CBL: variants seen among roughly 807,000 people sequenced by gnomAD.
CBL encodes the protein Cbl proto-oncogene.
Under a neutral mutation model 96.9 loss-of-function variants are expected in CBL, and 45 were observed. The ratio of observed to expected loss-of-function variants is 0.46; its 90% confidence interval spans 0.37 to 0.60. The LOEUF (loss-of-function observed/expected upper bound fraction) is 0.60, where lower values mean the gene tolerates loss of function less well. Ranked by LOEUF, CBL falls within the 20% of genes least tolerant of loss-of-function variation. The pLI, the probability that CBL is intolerant of heterozygous loss-of-function variation, is 0.00. For synonymous variants in CBL, 420 were observed against 426.8 expected (o/e 0.98, Z 0.20); for missense variants, 1,024 against 1,143.5 (o/e 0.90, Z 1.51).
intron 1 of CBL, among the ~76,000 whole-genome samples, chr11:119,212,274 GAAAAATACA>G (rs1262247783): frequency 6.6e-6 from 1 of 152,014 alleles, no homozygotes; most frequent in Non-Finnish European, 1.5e-5. Flanking sequence ...TAGTTTATTA[GAAAAATACA>G]TTTAAAATCA....
At chr11:119,209,630 A>T (rs1565852632) in intron 1 of CBL, among the ~76,000 whole-genome samples, 1 of 152,060 alleles carries the variant, frequency 6.6e-6, no homozygotes, top group Non-Finnish European at 1.5e-5. Flanking sequence ...AAAAAAAAAA[A>T]GTCTGTTTAA....
intron 2 of CBL, among the ~76,000 whole-genome samples, chr11:119,260,153 G>T (rs899976061): frequency 6.6e-6 from 1 of 151,366 alleles, no homozygotes; most frequent in Admixed American, 6.6e-5. Context: ...TTCATGTCCC[G>T]TTACTGAGTT....
At position 119,271,789 on chromosome 11, in the gene CBL, A is replaced by C. The variant is rs1565870421; in HGVS notation, c.498A>C (p.Lys166Asn). ...TCAGCCACATGCTGGCAGAACTAAA[A>C]GGAATCTTTCCAAGTGGACTCTTTC... ...LIFSHMLAEL[K>N]GIFPSGLFQG... is the part of the protein sequence containing the mutation. The change falls in exon 3 of 16, where the codon AAA becomes AAC. Residue 166 changes from lysine to asparagine, a missense_variant. Physicochemically the swap from Lys to Asn is moderately conservative, Grantham distance 94. Around this residue, in one of 4 missense-constraint regions of CBL, gnomAD observed 192 missense variants for 321.8 expected, o/e 0.60. Transcript: ENST00000264033. 4 of 1,614,026 alleles carry C rather than the reference A, an allele frequency of 2.5e-6. No individual in the cohort carries two copies. The highest frequency in any genetic ancestry group is 3.4e-6 in the Non-Finnish European group (4 of 1,179,904).
At chr11:119,254,114 C>T (rs753287336) in intron 2 of CBL, among the ~76,000 whole-genome samples, 1 of 149,710 alleles carries the variant, frequency 6.7e-6, no homozygotes, top group Non-Finnish European at 1.5e-5. Flanking sequence ...TTTTGGAGAT[C>T]GAGGCAAGAG....
intron 1 of CBL, among the ~76,000 whole-genome samples, chr11:119,218,451 G>T (rs748492457): frequency 8.5e-5 from 13 of 152,292 alleles, no homozygotes; most frequent in Admixed American, 3.3e-4. Context: ...CATATCCATA[G>T]TTTCGCTTCC....
chr11:119,290,842 T>A (rs1950021835), intron 12 of CBL, among the ~76,000 whole-genome samples: 1 of 151,386 alleles, frequency 6.6e-6, no homozygotes, highest in Non-Finnish European at 1.5e-5. Context: ...GCTAATTTTT[T>A]ATTTTTTTAT....
chr11:119,290,361 A>G (rs1382330476), intron 12 of CBL, among the ~76,000 whole-genome samples: 5 of 151,290 alleles, frequency 3.3e-5, no homozygotes, highest in South Asian at 2.1e-4. Context: ...TTAATTTTTT[A>G]AAAAGATACT....
intron 2 of CBL, among the ~76,000 whole-genome samples, chr11:119,246,944 A>G (rs141829908): frequency 6.6e-6 from 1 of 152,350 alleles, no homozygotes; most frequent in African/African-American, 2.4e-5. Context: ...ATATATATCA[A>G]AACATTAAAT....
intron 2 of CBL, among the ~76,000 whole-genome samples, chr11:119,264,171 C>T (rs1459731717): frequency 1.3e-5 from 2 of 152,148 alleles, no homozygotes; most frequent in African/African-American, 2.4e-5. Flanking sequence ...ATTTGATTTA[C>T]AAATATTGTT....
rs1247260726 is a variant in CBL, at chr11:119,300,255, CT to C, written c.*481del. The C allele has an allele frequency of 4.4e-6, 2 of 452,268 alleles. No homozygotes were observed. Among genetic ancestry groups the C allele is most frequent in the Non-Finnish European group, 3.9e-6 (1 of 258,456 alleles). The allele number at this position is 452,268 out of a possible 1,614,324, so 28.0% of individuals were successfully genotyped here. A position where few individuals can be genotyped will look rare whatever the true frequency, so the allele number is the denominator to read the frequency against. The stretch of plus-strand genomic sequence containing the variant: ...TAGCACAAAAGGTTTAGGAAGGAAT[CT>C]TTTTTTAAAGACTTCCATCTACTGT... On this transcript the variant is annotated 3_prime_UTR_variant, in exon 16 of 16. Transcript: ENST00000264033.
Position 119,277,847 on chromosome 11 carries a change from G to C in CBL, c.1095+3G>C. The C allele has an allele frequency of 6.2e-7, 1 of 1,604,114 alleles. No individual in the cohort carries two copies. Among genetic ancestry groups the C allele is most frequent in the Non-Finnish European group, 8.5e-7 (1 of 1,170,902 alleles). On this transcript the variant is annotated splice_donor_region_variant and intron_variant, in intron 7 of 15. Coordinates refer to ENST00000264033, the MANE Select transcript of CBL (RefSeq NM_005188.4). ...AAGACCATATCAAAGTGACCCAGGT[G>C]AGTTTTGTTTCACATGATAACCATA...
chr11:119,208,791 T>A (rs1019165182), intron 1 of CBL, among the ~76,000 whole-genome samples: 3 of 152,234 alleles, frequency 2.0e-5, no homozygotes, highest in Non-Finnish European at 4.4e-5. Context: ...GTAGCCCAAA[T>A]AAAATCCTCC....
In CBL at chr11:119,245,956, C is replaced by CTTTTTTTTTT. The variant is rs71048054; in HGVS notation, c.443+13286_443+13295dup. On this transcript the variant is annotated intron_variant, in intron 2 of 15. Coordinates refer to ENST00000264033, the MANE Select transcript of CBL (RefSeq NM_005188.4). The stretch of plus-strand genomic sequence containing the variant: ...TAAGACAGACGCATTCTTTGCAAAT[C>CTTTTTTTTTT]TTTTTTTTTTTTTTTTTTTTTTTTT... Among the ~76,000 whole-genome samples the CTTTTTTTTTT allele has an allele frequency of 7.9e-4, 43 of 54,308 alleles. 2 individuals carry two copies. The highest frequency in any genetic ancestry group is 2.2e-3 in the Admixed American group (6 of 2,728). The allele number at this position is 54,308 out of a possible 152,430, so 35.6% of individuals were successfully genotyped here.
At chr11:119,287,528 A>G (rs1949992827) in intron 11 of CBL, among the ~76,000 whole-genome samples, 1 of 152,210 alleles carries the variant, frequency 6.6e-6, no homozygotes, top group African/African-American at 2.4e-5. Flanking sequence ...ATCAGTATAG[A>G]ATGACCATTT....
chr11:119,302,080 C>T lies in CBL; in HGVS notation c.*2299C>T, dbSNP rs1419874615. On this transcript the variant is annotated 3_prime_UTR_variant, in exon 16 of 16. Coordinates refer to ENST00000264033, the MANE Select transcript of CBL (RefSeq NM_005188.4). Reference sequence around the variant, plus strand: ...CTACTGTGTAGGTTAAGGGCAGTCTCGACTTTTCCTTTTTTGAGTCCTGTG... The same window carrying T: ...CTACTGTGTAGGTTAAGGGCAGTCTTGACTTTTCCTTTTTTGAGTCCTGTG... 6 of 232,862 alleles carry T rather than the reference C, an allele frequency of 2.6e-5. No homozygotes were observed. Among genetic ancestry groups the T allele is most frequent in the Admixed American group, 1.1e-4 (2 of 17,762 alleles). The allele number at this position is 232,862 out of a possible 1,614,324, so 14.4% of individuals were successfully genotyped here. A position where few individuals can be genotyped will look rare whatever the true frequency, so the allele number is the denominator to read the frequency against.
At chr11:119,216,586 G>A (rs1949362541) in intron 1 of CBL, among the ~76,000 whole-genome samples, 1 of 151,928 alleles carries the variant, frequency 6.6e-6, no homozygotes, top group African/African-American at 2.4e-5. Context: ...TGGCCAGGAT[G>A]GTCTCGATCT....
intron 1 of CBL, among the ~76,000 whole-genome samples, chr11:119,224,145 A>G (rs1190284288): frequency 1.3e-5 from 2 of 152,208 alleles, no homozygotes; most frequent in African/African-American, 4.8e-5. Flanking sequence ...AAGGACAAAT[A>G]ACACTTGTGG....
rs1364488546 is a variant in CBL, at chr11:119,270,443, T to A, written c.444-1292T>A. 1.0e-3 allele frequency among the ~76,000 whole-genome samples: 45 copies of A among 43,916 alleles called. No individual in the cohort carries two copies. In the South Asian group the frequency reaches 0.024, roughly 23 times the overall value. 28.8% of individuals were successfully genotyped at this position (43,916 alleles called of 152,430 possible). On this transcript the variant is annotated intron_variant, in intron 2 of 15. Coordinates refer to ENST00000264033, the MANE Select transcript of CBL (RefSeq NM_005188.4). ...ATATATATATATATATATATTTTTTTTTTTTTTTTTTTTTTTTTTTTGAGA... is the reference window on the plus strand; with the variant it reads ...ATATATATATATATATATATTTTTTATTTTTTTTTTTTTTTTTTTTTGAGA...
intron 12 of CBL, among the ~76,000 whole-genome samples, chr11:119,292,968 G>A (rs575022202): frequency 6.6e-6 from 1 of 152,288 alleles, no homozygotes; most frequent in African/African-American, 2.4e-5. Flanking sequence ...TTACTCCATT[G>A]TAAGTAGAGA....
Sources: gnomAD v4.1 joint callset for allele counts (sites outside exome capture counted in the v4.1 genomes callset) on GRCh38, gnomAD v4.1.1 for gene constraint, gnomAD v4.1.1 regional missense constraint, MANE v1.5 for transcripts, NCBI Gene and HGNC (gene_info 2026-07-23, HGNC 2026-07-21) for gene names.